Variants in MNAT1 observed in about 807,000 individuals in gnomAD.
MNAT1 encodes MNAT1 component of CDK activating kinase.
MNAT1 carries 43 observed loss-of-function variants against 42.0 expected under a neutral mutation model. That is an observed-to-expected ratio of 1.02 (90% CI 0.80 to 1.32). The LOEUF is 1.32. Among genes scored for constraint, MNAT1 ranks in the 40% most tolerant of loss-of-function variants. The pLI is 0.00. For missense variants in MNAT1, 306 were observed against 350.4 expected (o/e 0.87, Z 1.01); for synonymous variants, 118 against 120.0 (o/e 0.98, Z 0.11).
At chr14:60,776,512 T>C (rs2031255026) in intron 1 of MNAT1, among the ~76,000 whole-genome samples, 1 of 151,834 alleles carries the variant, frequency 6.6e-6, no homozygotes, top group Admixed American at 6.6e-5. Context: ...AAAATGATGA[T>C]AGGTATAGTG....
chr14:60,744,815 C>A (rs992176786), intron 1 of MNAT1, among the ~76,000 whole-genome samples: 2 of 152,114 alleles, frequency 1.3e-5, no homozygotes, highest in African/African-American at 4.8e-5. Flanking sequence ...TTAGTTGAGG[C>A]ATTTTTGATA....
intron 1 of MNAT1, among the ~76,000 whole-genome samples, chr14:60,742,135 G>T (rs2140284600): frequency 6.6e-6 from 1 of 152,006 alleles, no homozygotes; most frequent in East Asian, 1.9e-4. Context: ...ACCCAGGCTG[G>T]AGTGTGGTGG....
intron 7 of MNAT1, among the ~76,000 whole-genome samples, chr14:60,932,774 T>C (rs1049745096): frequency 6.6e-6 from 1 of 152,214 alleles, no homozygotes; most frequent in African/African-American, 2.4e-5. Context: ...TAAAGCTATG[T>C]GTTAGAGATC....
intron 6 of MNAT1, among the ~76,000 whole-genome samples, chr14:60,868,250 C>T (rs1234766334): frequency 6.6e-6 from 1 of 152,120 alleles, no homozygotes; most frequent in Middle Eastern, 3.2e-3. Context: ...TGTGTATATA[C>T]ATGCATACAC....
At chr14:60,939,744 A>G (rs536393142) in intron 7 of MNAT1, among the ~76,000 whole-genome samples, 2 of 152,288 alleles carry the variant, frequency 1.3e-5, no homozygotes, top group East Asian at 3.9e-4. Flanking sequence ...GATGTCTATT[A>G]GGTCTGCTTG....
chr14:60,891,921 T>C (rs2034854116), intron 7 of MNAT1, among the ~76,000 whole-genome samples: 1 of 152,216 alleles, frequency 6.6e-6, no homozygotes, highest in Non-Finnish European at 1.5e-5. Context: ...TATTTAATAG[T>C]GTATTGTACG....
intron 6 of MNAT1, among the ~76,000 whole-genome samples, chr14:60,854,906 G>T (rs2033916657): frequency 6.6e-6 from 1 of 152,176 alleles, no homozygotes; most frequent in African/African-American, 2.4e-5. Context: ...ATCTGATGAA[G>T]CTGGGCCCAT....
intron 7 of MNAT1, among the ~76,000 whole-genome samples, chr14:60,900,154 G>A (rs937261458): frequency 6.6e-6 from 1 of 151,588 alleles, no homozygotes; most frequent in African/African-American, 2.4e-5. Context: ...CCTGCAGAGG[G>A]TTCTGTGTGT....
At chr14:60,749,010 C>T (rs962293526) in intron 1 of MNAT1, among the ~76,000 whole-genome samples, 1 of 152,124 alleles carries the variant, frequency 6.6e-6, no homozygotes, top group African/African-American at 2.4e-5. Context: ...GTTAGGATGG[C>T]TACGAAGTCA....
Position 60,938,539 on chromosome 14 carries a change from G to T in MNAT1, c.810-29690G>T, listed in dbSNP as rs192649932. ...TATGCTGGATTATGATTATTGATTTGTGTATGTTGAACCAGCCTTGCATCC... is the reference window on the plus strand; with the variant it reads ...TATGCTGGATTATGATTATTGATTTTTGTATGTTGAACCAGCCTTGCATCC... On this transcript the variant is annotated intron_variant, in intron 7 of 7. Transcript: ENST00000261245. Among the ~76,000 whole-genome samples, 701 of 152,280 alleles carry T rather than the reference G, an allele frequency of 4.6e-3. 9 individuals carry two copies. The highest frequency in any genetic ancestry group is 0.015 in the African/African-American group (627 of 41,554).
intron 1 of MNAT1, among the ~76,000 whole-genome samples, chr14:60,765,142 T>C (rs538386613): frequency 6.6e-6 from 1 of 152,172 alleles, no homozygotes; most frequent in Non-Finnish European, 1.5e-5. Flanking sequence ...TTCCAGCTAC[T>C]TGGGAGGCTG....
At chr14:60,852,952 TGTA>T (rs2033861968) in intron 6 of MNAT1, among the ~76,000 whole-genome samples, 1 of 152,186 alleles carries the variant, frequency 6.6e-6, no homozygotes, top group South Asian at 2.1e-4. Flanking sequence ...ACTGTAGCCT[TGTA>T]GTATAGTTTG....
intron 7 of MNAT1, among the ~76,000 whole-genome samples, chr14:60,952,995 A>G (rs1314954132): frequency 2.0e-5 from 3 of 152,072 alleles, no homozygotes; most frequent in Non-Finnish European, 4.4e-5. Flanking sequence ...TTTCACGGCC[A>G]GGGGCTATCA....
intron 6 of MNAT1, among the ~76,000 whole-genome samples, chr14:60,873,002 C>A (rs1257562159): frequency 1.3e-5 from 2 of 152,076 alleles, no homozygotes; most frequent in East Asian, 3.8e-4. Flanking sequence ...CATACATAAC[C>A]ATAATGCCAT....
At chr14:60,744,411 T>C (rs1386910602) in intron 1 of MNAT1, among the ~76,000 whole-genome samples, 1 of 151,538 alleles carries the variant, frequency 6.6e-6, no homozygotes. Context: ...GGATTACAGG[T>C]GTGAGCCATC....
At chr14:60,840,347 G>A (rs1450829061) in intron 6 of MNAT1, among the ~76,000 whole-genome samples, 2 of 152,208 alleles carry the variant, frequency 1.3e-5, no homozygotes, top group African/African-American at 2.4e-5. Context: ...AAGAACGAGG[G>A]TGGGTAAAAG....
chr14:60,819,557 T>A (rs1016521918), intron 6 of MNAT1, among the ~76,000 whole-genome samples: 2 of 152,164 alleles, frequency 1.3e-5, no homozygotes, highest in Non-Finnish European at 2.9e-5. Flanking sequence ...AAAAGATAAA[T>A]GTTTGAGGTG....
At chr14:60,812,457 A>C (rs1166323528) in intron 5 of MNAT1, among the ~76,000 whole-genome samples, 1 of 152,202 alleles carries the variant, frequency 6.6e-6, no homozygotes, top group African/African-American at 2.4e-5. Context: ...ATGCCTAGGC[A>C]GATAGGGACG....
intron 1 of MNAT1, among the ~76,000 whole-genome samples, chr14:60,794,272 TC>T (rs2031927817): frequency 6.6e-6 from 1 of 152,170 alleles, no homozygotes; most frequent in African/African-American, 2.4e-5. Flanking sequence ...CTCTGAAACT[TC>T]CTAAGTCCAG....
Sources: allele counts gnomAD v4.1 joint callset (sites outside exome capture counted in the v4.1 genomes callset), GRCh38; gene constraint gnomAD v4.1.1; transcripts MANE v1.5; gene names NCBI Gene and HGNC (gene_info 2026-07-23, HGNC 2026-07-21).